The following ATP13A3 variants were observed in gnomAD, a reference collection of about 807,000 sequenced individuals.
The protein encoded by ATP13A3 is polyamine-transporting ATPase 13A3.
In ATP13A3, 59 loss-of-function variants were observed where a neutral mutation model predicts 158.1. That is an observed-to-expected ratio of 0.37 (90% CI 0.30 to 0.46). The LOEUF (loss-of-function observed/expected upper bound fraction) is 0.46. Ranked by LOEUF, ATP13A3 falls within the 20% of genes least tolerant of loss-of-function variation. ATP13A3 has a pLI of 1.00. For missense variants in ATP13A3, 1,166 were observed against 1,525.2 expected (o/e 0.76, Z 3.92); for synonymous variants, 491 against 504.3 (o/e 0.97, Z 0.35).
upstream of ATP13A3, chr3:194,487,523 C>T (rs918084196): frequency 6.6e-6 from 1 of 152,268 alleles, no homozygotes; most frequent in Admixed American, 6.5e-5. Context: ...GGACTCTGCG[C>T]CCCGGCCGCA....
At chr3:194,428,281 G>A (rs1716964876) in intron 28 of ATP13A3, among the ~76,000 whole-genome samples, 1 of 151,366 alleles carries the variant, frequency 6.6e-6, no homozygotes, top group Admixed American at 6.6e-5. Context: ...CTAGCACCTT[G>A]TGAAAAGATA....
At chr3:194,479,157 T>A (rs1023020496) in intron 2 of ATP13A3, among the ~76,000 whole-genome samples, 2 of 152,210 alleles carry the variant, frequency 1.3e-5, no homozygotes, top group Admixed American at 6.6e-5. Flanking sequence ...CTTATTCTAT[T>A]CTCTTCATCA....
rs1553797769 is a variant in ATP13A3 at position 194,428,231 on chromosome 3, A to AAAAAAG, written c.2947+613_2947+614insCTTTTT. 1.3e-4 allele frequency among the ~76,000 whole-genome samples: 18 copies of AAAAAAG among 141,818 alleles called. 1 individual carries two copies. The highest frequency in any genetic ancestry group is 2.2e-4 in the African/African-American group (8 of 35,778). The allele number at this position is 141,818 out of a possible 152,430, so 93.0% of individuals were successfully genotyped here. ...GACAGACTCTGTCTCAAAAAAAAAA[A>AAAAAAG]AAAAAAGAAAAAAAGAAATTTCTAT... On this transcript the variant is annotated intron_variant, in intron 28 of 33. Coordinates refer to ENST00000645319, the MANE Select transcript of ATP13A3 (RefSeq NM_001367549.1).
intron 20 of ATP13A3, 140 bp downstream of exon 20, chr3:194,436,955 T>A: frequency 8.6e-7 from 1 of 1,163,838 alleles, no homozygotes; most frequent in Non-Finnish European, 1.2e-6. Flanking sequence ...GTACTTTTAC[T>A]TCAATCACCT....
upstream of ATP13A3, among the ~76,000 whole-genome samples, chr3:194,491,330 C>T (rs1377074760): frequency 6.6e-6 from 1 of 152,134 alleles, no homozygotes; most frequent in South Asian, 2.1e-4. Context: ...AGCAAAGACG[C>T]TGTCACCCAA....
rs1308539800 is a variant in ATP13A3 at position 194,480,182 on chromosome 3, A to T, written c.-47+5612T>A. Among the ~76,000 whole-genome samples, 3 of 152,118 alleles carry T rather than the reference A, an allele frequency of 2.0e-5. No individual in the cohort carries two copies. The East Asian group carries it at 5.8e-4, about 29-fold the overall frequency. On this transcript the variant is annotated intron_variant, in intron 2 of 33. Coordinates refer to ENST00000645319, the MANE Select transcript of ATP13A3 (RefSeq NM_001367549.1). ...ACAATTCTCTAAGGTACCCTTTATC[A>T]CCTCTATCTGGCAAATAAAAAAGCT...
chr3:194,419,829 G>A, intron 31 of ATP13A3, 50 bp downstream of exon 31: 8 of 1,536,402 alleles, frequency 5.2e-6, no homozygotes, highest in Non-Finnish European at 6.9e-6. Context: ...AAAAAGAAAT[G>A]TATACAGGTT....
chr3:194,478,596 T>C (rs1577094650), intron 2 of ATP13A3, among the ~76,000 whole-genome samples: 2 of 152,046 alleles, frequency 1.3e-5, no homozygotes, highest in East Asian at 3.8e-4. Context: ...TGAGGAATAA[T>C]TACAAATGGA....
At position 194,457,191 on chromosome 3, in the gene ATP13A3, T is replaced by A. The variant is rs779625840; in HGVS notation, c.480-17A>T. 2 of 1,592,028 alleles carry A rather than the reference T, an allele frequency of 1.3e-6. No individual in the cohort carries two copies. Among genetic ancestry groups the A allele is most frequent in the South Asian group, 2.3e-5 (2 of 88,342 alleles). ...TCCAGTCCCCTAAATAAATCCAAAGTTTTTACTTTAAACAAAGTTTAAAAT... is the reference window on the plus strand; with the variant it reads ...TCCAGTCCCCTAAATAAATCCAAAGATTTTACTTTAAACAAAGTTTAAAAT... On this transcript the variant is annotated splice_polypyrimidine_tract_variant and intron_variant, in intron 6 of 33. Coordinates refer to ENST00000645319, the MANE Select transcript of ATP13A3 (RefSeq NM_001367549.1).
Position 194,406,118 on chromosome 3 carries a change from TAAGAAA to T in ATP13A3, c.3574-8_3574-3del. ...TTTTCCCCACCGATCCACTGACTCC[TAAGAAA>T]ATAAGAAAAAAACAAAACAAAACAC... On this transcript the variant is annotated splice_polypyrimidine_tract_variant and splice_region_variant and intron_variant, in intron 33 of 33. Coordinates refer to ENST00000645319, the MANE Select transcript of ATP13A3 (RefSeq NM_001367549.1). The T allele has an allele frequency of 1.2e-6, 2 of 1,613,246 alleles. No individual in the cohort carries two copies. The highest frequency in any genetic ancestry group is 2.2e-5 in the South Asian group (2 of 90,956).
intron 2 of ATP13A3, among the ~76,000 whole-genome samples, chr3:194,476,074 G>A (rs115886198): frequency 6.6e-6 from 1 of 152,060 alleles, no homozygotes; most frequent in South Asian, 2.1e-4. Context: ...TTCTCCATAA[G>A]GAAAATAGTG....
Position 194,412,293 on chromosome 3 carries a change from G to T in ATP13A3, c.3484-5C>A. The T allele has an allele frequency of 6.5e-7, 1 of 1,533,934 alleles. No individual in the cohort carries two copies. The highest frequency in any genetic ancestry group is 1.2e-5 in the South Asian group (1 of 83,984). On this transcript the variant is annotated splice_polypyrimidine_tract_variant and splice_region_variant and intron_variant, in intron 32 of 33. Transcript: ENST00000645319. ...GACCATGTCAAGGAAGAAGTTCTGAGAGATATTCCAGTGAGTTAAGAATTA... is the reference window on the plus strand; with the variant it reads ...GACCATGTCAAGGAAGAAGTTCTGATAGATATTCCAGTGAGTTAAGAATTA...
Position 194,448,684 on chromosome 3 carries a change from C to T in ATP13A3, c.971-48G>A. 1.3e-6 allele frequency: 2 copies of T among 1,561,704 alleles called. No individual in the cohort carries two copies. The highest frequency in any genetic ancestry group is 1.7e-6 in the Non-Finnish European group (2 of 1,149,750). On this transcript the variant is annotated intron_variant, in intron 11 of 33. Transcript: ENST00000645319. The surrounding 1 kb of genome is among the most constrained non-coding windows in gnomAD (Gnocchi z 4.0). Reference sequence around the variant, plus strand: ...CAAAAACAGTTTACAAATTATTAAACGAAAGCACAGGAATCAGTATCGAAC... The same window carrying T: ...CAAAAACAGTTTACAAATTATTAAATGAAAGCACAGGAATCAGTATCGAAC...
At chr3:194,406,232 G>T in intron 33 of ATP13A3, 116 bp from the exon 34 acceptor site, 1 of 1,097,000 alleles carries the variant, frequency 9.1e-7, no homozygotes, top group Non-Finnish European at 1.3e-6. Flanking sequence ...AATGACTTCT[G>T]AGCACAACGA....
In ATP13A3 at chr3:194,403,919, G is replaced by GGA. The variant is rs1714770768; in HGVS notation, c.*1999_*2000insTC. 1 of 249,322 alleles carries GGA rather than the reference G, an allele frequency of 4.0e-6. No homozygotes were observed. 15.4% of individuals were successfully genotyped at this position (249,322 alleles called of 1,614,324 possible). On this transcript the variant is annotated 3_prime_UTR_variant, in exon 34 of 34. Transcript: ENST00000645319. ...ACTAACTCTAAATGTTAAAAAAGTG[G>GGA]GGGGGGGGTGTCAAAAATAGCTCTT... is the stretch of plus-strand genomic sequence containing the variant.
chr3:194,460,217 ATGAG>A (rs1245511958), intron 4 of ATP13A3, among the ~76,000 whole-genome samples: 4 of 152,196 alleles, frequency 2.6e-5, no homozygotes, highest in Non-Finnish European at 5.9e-5. Context: ...ATAAAATATC[ATGAG>A]TAATTCCTTA....
chr3:194,412,488 T>C, intron 32 of ATP13A3, 200 bp from the exon 33 acceptor site: 1 of 543,050 alleles, frequency 1.8e-6, no homozygotes, highest in Non-Finnish European at 3.3e-6. Context: ...CATAAAATTC[T>C]TGATAAAATG....
At chr3:194,492,700 C>A (rs979253327) in intron 2 of ATP13A3, among the ~76,000 whole-genome samples, 14 of 152,256 alleles carry the variant, frequency 9.2e-5, no homozygotes, top group South Asian at 6.2e-4. Flanking sequence ...AGGTGATCCA[C>A]CTGCTTCAGC....
chr3:194,469,601 T>C (rs1720203911), intron 2 of ATP13A3, among the ~76,000 whole-genome samples: 1 of 152,220 alleles, frequency 6.6e-6, no homozygotes, highest in Non-Finnish European at 1.5e-5. Flanking sequence ...CTGTGACACC[T>C]TGTATTGTTG....
Sources: allele counts gnomAD v4.1 joint callset (sites outside exome capture counted in the v4.1 genomes callset), GRCh38; gene constraint gnomAD v4.1.1; non-coding constraint Gnocchi (gnomAD v3.1); transcripts MANE v1.5; gene names NCBI Gene and HGNC (gene_info 2026-07-23, HGNC 2026-07-21).